Variants in OXR1 observed in about 807,000 individuals in gnomAD.
OXR1 encodes oxidation resistance 1.
A neutral mutation model predicts 104.6 loss-of-function variants in OXR1; 41 were observed. The observed-to-expected ratio is 0.39, with a 90% CI of 0.31 to 0.51. The LOEUF is 0.51. Among genes scored for constraint, OXR1 ranks in the 20% least tolerant of loss-of-function variants. OXR1 has a pLI of 0.77. For missense variants in OXR1, 955 were observed against 1,031.9 expected (o/e 0.93, Z 1.02); for synonymous variants, 348 against 348.4 (o/e 1.00, Z 0.01).
intron 3 of OXR1, among the ~76,000 whole-genome samples, chr8:106,536,234 GAAAGAA>G (rs1814529974): frequency 1.5e-5 from 2 of 135,680 alleles, no homozygotes; most frequent in South Asian, 4.8e-4. Context: ...AAAAAAGAAA[GAAAGAA>G]AGAAAGAAAG....
chr8:106,667,516 C>G (rs749333134), intron 3 of OXR1, among the ~76,000 whole-genome samples: 4 of 151,964 alleles, frequency 2.6e-5, no homozygotes, highest in Non-Finnish European at 4.4e-5. Context: ...ATGAAAAGTT[C>G]CTAAAAGGAA....
At chr8:106,627,099 G>A (rs920670819) in intron 3 of OXR1, among the ~76,000 whole-genome samples, 28 of 152,116 alleles carry the variant, frequency 1.8e-4, no homozygotes, top group Middle Eastern at 3.4e-3. Flanking sequence ...ATTCTATTAA[G>A]CAAAATTGGA....
chr8:106,699,100 G>A (rs1830352423), intron 7 of OXR1, among the ~76,000 whole-genome samples: 1 of 152,162 alleles, frequency 6.6e-6, no homozygotes, highest in African/African-American at 2.4e-5. Flanking sequence ...CCTTTAGTGT[G>A]TAGCTAATTT....
intron 2 of OXR1, among the ~76,000 whole-genome samples, chr8:106,509,111 G>A (rs1011161964): frequency 6.6e-6 from 1 of 152,210 alleles, no homozygotes; most frequent in Admixed American, 6.5e-5. Flanking sequence ...AAATCGATGT[G>A]GCAATAGCGT....
At chr8:106,736,571 G>A (rs780439270) in intron 11 of OXR1, among the ~76,000 whole-genome samples, 1 of 152,150 alleles carries the variant, frequency 6.6e-6, no homozygotes, top group African/African-American at 2.4e-5. Flanking sequence ...CACACCATTA[G>A]CGTTCACTGT....
chr8:106,710,497 T>G, intron 9 of OXR1, 125 bp from the exon 10 acceptor site: 1 of 487,404 alleles, frequency 2.1e-6, no homozygotes, highest in Non-Finnish European at 3.4e-6. Flanking sequence ...AAAATGTACT[T>G]TAGCACCACT....
At chr8:106,659,893 T>C (rs1213265618) in intron 3 of OXR1, among the ~76,000 whole-genome samples, 3 of 152,200 alleles carry the variant, frequency 2.0e-5, no homozygotes, top group Non-Finnish European at 4.4e-5. Flanking sequence ...TGAAGTGATA[T>C]GTATTCCTCT....
intron 3 of OXR1, among the ~76,000 whole-genome samples, chr8:106,626,973 T>C (rs1216117609): frequency 6.6e-6 from 1 of 152,128 alleles, no homozygotes; most frequent in African/African-American, 2.4e-5. Flanking sequence ...ATACATTTCC[T>C]CTATTATGTT....
intron 2 of OXR1, among the ~76,000 whole-genome samples, chr8:106,372,885 A>G (rs1586578174): frequency 6.6e-6 from 1 of 152,228 alleles, no homozygotes; most frequent in African/African-American, 2.4e-5. Context: ...GCCTTTTATC[A>G]GTAGATGAAT....
intron 3 of OXR1, among the ~76,000 whole-genome samples, chr8:106,584,316 A>T (rs1280921224): frequency 1.3e-5 from 2 of 150,598 alleles, no homozygotes; most frequent in Non-Finnish European, 3.0e-5. Flanking sequence ...AAAAAAAGAG[A>T]GGGGTGTTCG....
At chr8:106,618,167 G>A (rs1446959442) in intron 3 of OXR1, 8 of 1,536,102 alleles carry the variant, frequency 5.2e-6, no homozygotes, top group South Asian at 1.2e-5. Context: ...CCTCAGAAAT[G>A]TTCTGCCAGC....
intron 2 of OXR1, among the ~76,000 whole-genome samples, chr8:106,443,370 A>G (rs1819873963): frequency 6.6e-6 from 1 of 152,088 alleles, no homozygotes; most frequent in African/African-American, 2.4e-5. Flanking sequence ...GGTGCTGAGA[A>G]CAATGTATAC....
intron 2 of OXR1, among the ~76,000 whole-genome samples, chr8:106,461,016 G>A (rs188616573): frequency 1.3e-4 from 20 of 152,132 alleles, no homozygotes; most frequent in Admixed American, 9.8e-4. Flanking sequence ...ACAAGCAGAT[G>A]TTTAGCCTGA....
chr8:106,294,305 A>C (rs1202878719), intron 1 of OXR1, among the ~76,000 whole-genome samples: 2 of 148,530 alleles, frequency 1.3e-5, no homozygotes, highest in Admixed American at 6.8e-5. Flanking sequence ...CTGAGGCAGG[A>C]GAATTAACGT....
At chr8:106,380,700 T>A (rs1205658146) in intron 2 of OXR1, among the ~76,000 whole-genome samples, 1 of 152,204 alleles carries the variant, frequency 6.6e-6, no homozygotes, top group Non-Finnish European at 1.5e-5. Flanking sequence ...GTTTTGATAT[T>A]TACTTCCCTG....
chr8:106,395,097 T>C (rs1040562057), intron 2 of OXR1, among the ~76,000 whole-genome samples: 1 of 152,170 alleles, frequency 6.6e-6, no homozygotes, highest in African/African-American at 2.4e-5. Flanking sequence ...GAACTGTGCA[T>C]AGCGATACCT....
At chr8:106,298,160 T>A (rs1813080357) in intron 1 of OXR1, among the ~76,000 whole-genome samples, 3 of 152,146 alleles carry the variant, frequency 2.0e-5, no homozygotes, top group Admixed American at 6.6e-5. Flanking sequence ...AAATAAGTCC[T>A]TACAATAGGA....
At chr8:106,489,032 G>T (rs987042473) in intron 2 of OXR1, among the ~76,000 whole-genome samples, 19 of 148,432 alleles carry the variant, frequency 1.3e-4, no homozygotes, top group Admixed American at 3.4e-4. Context: ...CCATTTTCAC[G>T]ATATTGATTC....
chr8:106,674,431 A>C (rs763250962), intron 3 of OXR1, among the ~76,000 whole-genome samples: 2 of 152,198 alleles, frequency 1.3e-5, no homozygotes, highest in Non-Finnish European at 2.9e-5. Context: ...CTTGGAAGTA[A>C]CTAACTTGCT....
Sources: gnomAD v4.1 joint callset for allele counts (sites outside exome capture counted in the v4.1 genomes callset) on GRCh38, gnomAD v4.1.1 for gene constraint, MANE v1.5 for transcripts, NCBI Gene and HGNC (gene_info 2026-07-23, HGNC 2026-07-21) for gene names.